ZNF138: variants seen among roughly 807,000 people sequenced by gnomAD.
The protein encoded by ZNF138 is zinc finger protein 138 (clone pHZ-32).
A neutral mutation model predicts 33.0 loss-of-function variants in ZNF138; 33 were observed. The observed-to-expected ratio is 1.00, with a 90% CI of 0.76 to 1.34. ZNF138 has a LOEUF of 1.34. ZNF138 is among the 40% of genes most tolerant of loss of function. The pLI, the probability that ZNF138 is intolerant of heterozygous loss-of-function variation, is 0.00. For synonymous variants in ZNF138, 139 were observed against 120.4 expected, an observed-to-expected ratio of 1.15 and a Z score of -1.01; for missense variants, 360 against 370.8, an observed-to-expected ratio of 0.97 and a Z score of 0.24.
At chr7:64,815,439 C>A in intron 2 of ZNF138, 137 bp from the exon 3 acceptor site, 2 of 613,138 alleles carry the variant, frequency 3.3e-6, no homozygotes, top group South Asian at 3.0e-5. Flanking sequence ...TATATATTAG[C>A]ATTTTGGGAT....
chr7:64,832,691 C>CT lies in ZNF138; in HGVS notation c.*492dup. The CT allele has an allele frequency of 7.0e-6, 3 of 430,048 alleles. No individual in the cohort carries two copies. Among genetic ancestry groups the CT allele is most frequent in the East Asian group, 5.9e-5 (1 of 16,894 alleles). 26.6% of individuals were successfully genotyped at this position (430,048 alleles called of 1,614,324 possible). A position where few individuals can be genotyped will look rare whatever the true frequency, so the allele number is the denominator to read the frequency against. On this transcript the variant is annotated 3_prime_UTR_variant, in exon 4 of 4. Coordinates refer to ENST00000307355, the MANE Select transcript of ZNF138 (RefSeq NM_001271639.2). The stretch of plus-strand genomic sequence containing the variant: ...ACAAATGTGAACAGTGTGGCAAGGT[C>CT]TTTAAGAAGTCCTCAACTCTTACTG...
chr7:64,845,092 C>T, the ZNF138 span, among the ~76,000 whole-genome samples: 1 of 152,204 alleles, frequency 6.6e-6, no homozygotes, highest in Non-Finnish European at 1.5e-5. Flanking sequence ...CTTCCCAACA[C>T]TCCTCTCTGA....
intron 1 of ZNF138, among the ~76,000 whole-genome samples, chr7:64,797,093 A>G (rs1469390110): frequency 6.6e-6 from 1 of 152,122 alleles, no homozygotes; most frequent in Non-Finnish European, 1.5e-5. Context: ...CCACAAGAAG[A>G]TGTGGTAGAT....
At chr7:64,828,821 C>G (rs1465595798) in intron 3 of ZNF138, among the ~76,000 whole-genome samples, 3 of 151,272 alleles carry the variant, frequency 2.0e-5, no homozygotes, top group Admixed American at 6.6e-5. Flanking sequence ...TTTATTGTCT[C>G]TCGACATTTT....
chr7:64,820,552 A>G (rs1235683924), intron 3 of ZNF138, among the ~76,000 whole-genome samples: 1 of 151,452 alleles, frequency 6.6e-6, no homozygotes, highest in East Asian at 1.9e-4. Flanking sequence ...CATAAATGGG[A>G]TTGCTGTAGT....
chr7:64,827,662 A>G (rs1789751523), intron 3 of ZNF138, among the ~76,000 whole-genome samples: 1 of 152,120 alleles, frequency 6.6e-6, no homozygotes, highest in Admixed American at 6.5e-5. Flanking sequence ...TTACATCAAA[A>G]TTTGGAAAGT....
downstream of ZNF138, among the ~76,000 whole-genome samples, chr7:64,834,308 C>A (rs1218997566): frequency 2.0e-5 from 3 of 151,592 alleles, no homozygotes; most frequent in East Asian, 2.0e-4. Flanking sequence ...TAAAAAAAAT[C>A]AAAAATAAGG....
At chr7:64,801,112 G>T (rs1027374406) in intron 1 of ZNF138, among the ~76,000 whole-genome samples, 8 of 151,862 alleles carry the variant, frequency 5.3e-5, no homozygotes, top group African/African-American at 1.7e-4. Flanking sequence ...TTTTTTAATA[G>T]ATTTAACTCC....
chr7:64,818,297 T>C (rs922692437), intron 3 of ZNF138, among the ~76,000 whole-genome samples: 1 of 152,132 alleles, frequency 6.6e-6, no homozygotes, highest in African/African-American at 2.4e-5. Flanking sequence ...GAATATTTCT[T>C]TTATATAAGC....
intron 1 of ZNF138, among the ~76,000 whole-genome samples, chr7:64,813,202 T>C (rs1363337025): frequency 6.6e-6 from 1 of 152,056 alleles, no homozygotes; most frequent in Non-Finnish European, 1.5e-5. Context: ...GGGTCCTTAG[T>C]AAAGAAGGAG....
intron 3 of ZNF138, chr7:64,831,064 CA>C: frequency 1.3e-6 from 2 of 1,551,122 alleles, no homozygotes; most frequent in Admixed American, 3.9e-5. Context: ...ACCTAGAAGC[CA>C]GAAATAAAGA....
At position 64,832,507 on chromosome 7, in the gene ZNF138, G is replaced by T; in HGVS notation, c.*305G>T. On this transcript the variant is annotated 3_prime_UTR_variant, in exon 4 of 4. Transcript: ENST00000307355. ...ACTGGGGAGAAACCCCACAAATGTG[G>T]AGAATGCGGAAAAGCCTTTAACTGG... The T allele has an allele frequency of 1.0e-6, 1 of 953,414 alleles. No homozygotes were observed. 59.1% of individuals were successfully genotyped at this position (953,414 alleles called of 1,614,324 possible). A position where few individuals can be genotyped will look rare whatever the true frequency, so the allele number is the denominator to read the frequency against.
the ZNF138 span, chr7:64,853,126 A>T: frequency 6.9e-7 from 1 of 1,440,776 alleles, no homozygotes; most frequent in Non-Finnish European, 9.8e-7. Context: ...AGGAAAGCCC[A>T]CCGTGTCTCA....
the ZNF138 span, among the ~76,000 whole-genome samples, chr7:64,841,302 T>A: frequency 2.0e-5 from 3 of 152,222 alleles, no homozygotes; most frequent in African/African-American, 7.2e-5. Flanking sequence ...CTGTATTTTT[T>A]AACTTTTTTT....
intron 3 of ZNF138, among the ~76,000 whole-genome samples, chr7:64,819,906 A>G (rs965217941): frequency 6.7e-6 from 1 of 149,726 alleles, no homozygotes; most frequent in Non-Finnish European, 1.5e-5. Flanking sequence ...TTCAACTACA[A>G]ATTTTTTTTT....
chr7:64,818,002 T>A lies in ZNF138; in HGVS notation c.208+2349T>A, dbSNP rs529833186. On this transcript the variant is annotated intron_variant, in intron 3 of 3. Coordinates refer to ENST00000307355, the MANE Select transcript of ZNF138 (RefSeq NM_001271639.2). ...ATTATTTATTATTATTATTATTTTT[T>A]TTTTTTTTTGAGACCGAGTCTCACT... Among the ~76,000 whole-genome samples, 7 of 149,262 alleles carry A rather than the reference T, an allele frequency of 4.7e-5. No homozygotes were observed. The East Asian group carries it at 5.8e-4, about 12-fold the overall frequency.
chr7:64,800,084 G>A (rs556700753), intron 1 of ZNF138, among the ~76,000 whole-genome samples: 1 of 152,220 alleles, frequency 6.6e-6, no homozygotes, highest in Non-Finnish European at 1.5e-5. Flanking sequence ...TGTGGAGACA[G>A]AAAAGAGAAG....
chr7:64,829,948 A>G (rs918199405), intron 3 of ZNF138, among the ~76,000 whole-genome samples: 12 of 152,196 alleles, frequency 7.9e-5, no homozygotes, highest in Admixed American at 7.2e-4. Flanking sequence ...CATCTTTGAT[A>G]TGTAGCACAA....
chr7:64,832,389 T>G lies in ZNF138; in HGVS notation c.*187T>G. The G allele has an allele frequency of 6.7e-7, 1 of 1,502,708 alleles. No homozygotes were observed. Among genetic ancestry groups the G allele is most frequent in the African/African-American group, 1.4e-5 (1 of 69,988 alleles). The allele number at this position is 1,502,708 out of a possible 1,614,324, so 93.1% of individuals were successfully genotyped here. ...GTCCGCAAAGCTCACTGAACATAAG[T>G]TAATTCATACTGGAGAAAAACCCTA... is the stretch of plus-strand genomic sequence containing the variant. On this transcript the variant is annotated 3_prime_UTR_variant, in exon 4 of 4. Coordinates refer to ENST00000307355, the MANE Select transcript of ZNF138 (RefSeq NM_001271639.2).
Sources: gnomAD v4.1 joint callset for allele counts (sites outside exome capture counted in the v4.1 genomes callset) on GRCh38, gnomAD v4.1.1 for gene constraint, MANE v1.5 for transcripts, NCBI Gene and HGNC (gene_info 2026-07-23, HGNC 2026-07-21) for gene names.